The following RBM47 variants were observed in gnomAD, a reference collection of about 807,000 sequenced individuals.
RBM47 encodes RNA-binding protein 47.
Under a neutral mutation model 47.1 loss-of-function variants are expected in RBM47, and 21 were observed. The observed-to-expected ratio is 0.45, with a 90% CI of 0.32 to 0.64. RBM47 has a LOEUF of 0.64. Among genes scored for constraint, RBM47 ranks in the 30% least tolerant of loss-of-function variants. The pLI is 0.05. For synonymous variants in RBM47, 375 were observed against 361.7 expected (o/e 1.04, Z -0.42); for missense variants, 708 against 870.9 (o/e 0.81, Z 2.35).
At chr4:40,447,875 G>C (rs977372342) in intron 3 of RBM47, among the ~76,000 whole-genome samples, 14 of 152,360 alleles carry the variant, frequency 9.2e-5, no homozygotes, top group African/African-American at 3.1e-4. Context: ...GCCGGGCATG[G>C]TGGCAGGCGC....
At chr4:40,535,164 C>T (rs914298510) in intron 2 of RBM47, among the ~76,000 whole-genome samples, 5 of 152,036 alleles carry the variant, frequency 3.3e-5, no homozygotes, top group African/African-American at 9.7e-5. Flanking sequence ...TTCCTTATGC[C>T]TGGCATATAG....
At chr4:40,581,960 T>C (rs1367219425) in intron 1 of RBM47, among the ~76,000 whole-genome samples, 1 of 151,978 alleles carries the variant, frequency 6.6e-6, no homozygotes, top group East Asian at 1.9e-4. Context: ...TCCCCTCCTC[T>C]GCACCCATCT....
intron 1 of RBM47, among the ~76,000 whole-genome samples, chr4:40,552,766 C>T (rs1729683505): frequency 1.3e-5 from 2 of 152,220 alleles, no homozygotes; most frequent in African/African-American, 4.8e-5. Context: ...ACAGTGCTGG[C>T]TATACCACTG....
At position 40,483,622 on chromosome 4, in the gene RBM47, G is replaced by A. The variant is rs146880828; in HGVS notation, c.-154-16923C>T. 6.6e-3 allele frequency among the ~76,000 whole-genome samples: 1,012 copies of A among 152,272 alleles called. 18 individuals carry two copies. Among genetic ancestry groups the A allele is most frequent in the African/African-American group, 0.023 (958 of 41,548 alleles). On this transcript the variant is annotated intron_variant, in intron 2 of 6. Transcript: ENST00000295971. ...GAGACAGGAGAATTGCTTGAACCCG[G>A]GAGTCAGAGGTTGCAGTGAGCTGAG...
intron 6 of RBM47, among the ~76,000 whole-genome samples, chr4:40,429,688 CAAAAAAAAAAAAA>C (rs60673202): frequency 1.3e-4 from 5 of 38,106 alleles, no homozygotes; most frequent in African/African-American, 5.0e-4. Context: ...GACTCCATCT[CAAAAAAAAAAAAA>C]AAAAAAAAAA....
intron 2 of RBM47, among the ~76,000 whole-genome samples, chr4:40,537,388 G>A (rs1481690814): frequency 1.3e-5 from 2 of 151,568 alleles, no homozygotes; most frequent in Non-Finnish European, 2.9e-5. Flanking sequence ...AGATCCTCCT[G>A]AGTAGCTGGG....
intron 2 of RBM47, among the ~76,000 whole-genome samples, chr4:40,536,576 C>G (rs1208684574): frequency 6.6e-6 from 1 of 152,196 alleles, no homozygotes; most frequent in Non-Finnish European, 1.5e-5. Context: ...TTTTCTTCCT[C>G]TATGGTAGGT....
upstream of RBM47, chr4:40,629,872 C>T (rs193251614): frequency 6.1e-3 from 923 of 152,352 alleles, 4 homozygotes; most frequent in African/African-American, 0.021. Flanking sequence ...TCTGCGGGCC[C>T]TTCCCGGTTC....
chr4:40,593,472 C>A (rs560554298), intron 1 of RBM47, among the ~76,000 whole-genome samples: 1 of 152,068 alleles, frequency 6.6e-6, no homozygotes, highest in Admixed American at 6.6e-5. Context: ...CCAAGGGAAT[C>A]GCTTAGAAAA....
At position 40,423,423 on chromosome 4, in the gene RBM47, T is replaced by A. The variant is rs1714617797; in HGVS notation, c.*2481A>T. 6.7e-6 allele frequency: 1 copy of A among 150,342 alleles called. No homozygotes were observed. Among genetic ancestry groups the A allele is most frequent in the African/African-American group, 2.4e-5 (1 of 41,174 alleles). The allele number at this position is 150,342 out of a possible 1,614,324, so 9.3% of individuals were successfully genotyped here. On this transcript the variant is annotated 3_prime_UTR_variant, in exon 7 of 7. Coordinates refer to ENST00000295971, the MANE Select transcript of RBM47 (RefSeq NM_001098634.2). The stretch of plus-strand genomic sequence containing the variant: ...ATGTTTGAAAACAGAACTCTAAAAC[T>A]TTTTTTTTACATTTATATAGTTTGT...
In RBM47 at chr4:40,498,054, T is replaced by TTATATATATATATATATATATATA. The variant is rs6148409; in HGVS notation, c.-154-31379_-154-31356dup. ...TGCAAATAAAATGTAAGTGCTTGTT[T>TTATATATATATATATATATATATA]TATATATATATATATATATATATAT... On this transcript the variant is annotated intron_variant, in intron 2 of 6. Coordinates refer to ENST00000295971, the MANE Select transcript of RBM47 (RefSeq NM_001098634.2). Among the ~76,000 whole-genome samples, 610 of 109,614 alleles carry TTATATATATATATATATATATATA rather than the reference T, an allele frequency of 5.6e-3. 10 individuals carry two copies. Among genetic ancestry groups the TTATATATATATATATATATATATA allele is most frequent in the Non-Finnish European group, 6.9e-3 (343 of 49,470 alleles). The allele number at this position is 109,614 out of a possible 152,430, so 71.9% of individuals were successfully genotyped here.
intron 2 of RBM47, among the ~76,000 whole-genome samples, chr4:40,476,760 T>C (rs1228140645): frequency 6.6e-6 from 1 of 152,170 alleles, no homozygotes; most frequent in Non-Finnish European, 1.5e-5. Context: ...TTCTGTGTCC[T>C]CTGCATCAGG....
At chr4:40,547,634 G>A (rs1192038191) in intron 1 of RBM47, among the ~76,000 whole-genome samples, 2 of 152,196 alleles carry the variant, frequency 1.3e-5, no homozygotes, top group Admixed American at 6.5e-5. Flanking sequence ...AGGACCAGAT[G>A]AGTCGCAGAT....
intron 1 of RBM47, among the ~76,000 whole-genome samples, chr4:40,603,969 T>G (rs1468027524): frequency 6.6e-6 from 1 of 152,142 alleles, no homozygotes; most frequent in African/African-American, 2.4e-5. Flanking sequence ...CATTCCTTCA[T>G]TCAGTCTCCA....
At chr4:40,460,798 C>T (rs1259800247) in intron 3 of RBM47, among the ~76,000 whole-genome samples, 1 of 143,382 alleles carries the variant, frequency 7.0e-6, no homozygotes, top group Non-Finnish European at 1.5e-5. Context: ...TGAGGCAGGA[C>T]AATCTCTTGA....
At chr4:40,623,347 G>C (rs1737443286) in intron 1 of RBM47, among the ~76,000 whole-genome samples, 1 of 152,172 alleles carries the variant, frequency 6.6e-6, no homozygotes, top group African/African-American at 2.4e-5. Context: ...TTTCACTAGA[G>C]GCAATTCTTC....
chr4:40,489,576 T>C (rs557979661), intron 2 of RBM47, among the ~76,000 whole-genome samples: 1 of 152,270 alleles, frequency 6.6e-6, no homozygotes, highest in South Asian at 2.1e-4. Flanking sequence ...AACCTACATG[T>C]AGAGGAGAAA....
intron 1 of RBM47, among the ~76,000 whole-genome samples, chr4:40,625,460 G>C (rs1343030789): frequency 1.3e-5 from 2 of 152,100 alleles, no homozygotes; most frequent in African/African-American, 4.8e-5. Context: ...CAGGCGTCCT[G>C]TTCCTGTTTC....
chr4:40,457,767 T>C (rs1716519447), intron 3 of RBM47, among the ~76,000 whole-genome samples: 1 of 152,148 alleles, frequency 6.6e-6, no homozygotes, highest in Non-Finnish European at 1.5e-5. Context: ...ACTTCTTAAA[T>C]TTTACTATCA....
Sources: allele counts gnomAD v4.1 joint callset (sites outside exome capture counted in the v4.1 genomes callset), GRCh38; gene constraint gnomAD v4.1.1; transcripts MANE v1.5; gene names NCBI Gene and HGNC (gene_info 2026-07-23, HGNC 2026-07-21).